Variants in CACNA1E observed in about 807,000 individuals in gnomAD.
The protein encoded by CACNA1E is calcium voltage-gated channel subunit alpha1 E.
Under a neutral mutation model 259.2 loss-of-function variants are expected in CACNA1E, and 40 were observed. That is an observed-to-expected ratio of 0.15 (90% confidence interval 0.12 to 0.20). CACNA1E has a LOEUF of 0.20. Ranked by LOEUF, CACNA1E falls within the 10% of genes least tolerant of loss-of-function variation. The probability of loss-of-function intolerance (pLI) is 1.00; values close to 1 mark genes in which losing one functional copy is unlikely to be tolerated. For synonymous variants in CACNA1E, 1,104 were observed against 1,138.5 expected (o/e 0.97, Z 0.61); for missense variants, 1,874 against 3,040.1 (o/e 0.62, Z 9.02).
At chr1:181,511,021 T>C (rs964097476) in intron 2 of CACNA1E, among the ~76,000 whole-genome samples, 1 of 152,238 alleles carries the variant, frequency 6.6e-6, no homozygotes, top group Non-Finnish European at 1.5e-5. Flanking sequence ...CTGCCTAAAA[T>C]TCACGTGTGT....
chr1:181,735,154 T>C (rs1655920804), intron 21 of CACNA1E, among the ~76,000 whole-genome samples: 1 of 152,240 alleles, frequency 6.6e-6, no homozygotes, highest in Non-Finnish European at 1.5e-5. Context: ...CAATCTCCCA[T>C]GTCCAGTGCA....
Position 181,529,144 on chromosome 1 carries a change from C to T in CACNA1E, c.512+17634C>T, listed in dbSNP as rs1408768870. The stretch of plus-strand genomic sequence containing the variant: ...GTTTAGGGACTTGGTGCCCTGTGTC[C>T]CAGCTGTTCCAGCTGTGGCTGAAAG... On this transcript the variant is annotated intron_variant, in intron 3 of 47. Coordinates refer to ENST00000367573, the MANE Select transcript of CACNA1E (RefSeq NM_001205293.3). Among the ~76,000 whole-genome samples, 3 of 152,186 alleles carry T rather than the reference C, an allele frequency of 2.0e-5. No individual in the cohort carries two copies. In the East Asian group the frequency reaches 5.8e-4, roughly 29 times the overall value.
intron 26 of CACNA1E, chr1:181,751,899 G>A (rs1657631458): frequency 3.1e-6 from 2 of 643,170 alleles, no homozygotes; most frequent in Non-Finnish European, 5.8e-6. Flanking sequence ...GTGTATATAT[G>A]AGTGTGTACG....
At position 181,406,707 on chromosome 1, in the gene CACNA1E, A is replaced by G. The variant is rs181476091; in HGVS notation, c.-14-6426A>G. On this transcript the variant is annotated intron_variant, in intron 1 of 11. Coordinates refer to the CACNA1E transcript ENST00000524607. ...ATCTACTTAATCTGTAAAATGATGT[A>G]TGATCATTTTACAGATTAAGATATG... is the stretch of plus-strand genomic sequence containing the variant. Among the ~76,000 whole-genome samples, 1,072 of 152,222 alleles carry G rather than the reference A, an allele frequency of 7.0e-3. 14 individuals are homozygous for G. Among genetic ancestry groups the G allele is most frequent in the African/African-American group, 0.024 (1,016 of 41,526 alleles).
At chr1:181,555,326 A>G (rs1316395998) in intron 3 of CACNA1E, among the ~76,000 whole-genome samples, 2 of 152,218 alleles carry the variant, frequency 1.3e-5, no homozygotes, top group Non-Finnish European at 1.5e-5. Context: ...CCAGGAGGAA[A>G]AGGTATGCTT....
chr1:181,568,663 G>A (rs556066012), intron 3 of CACNA1E, among the ~76,000 whole-genome samples: 38 of 152,096 alleles, frequency 2.5e-4, no homozygotes, highest in Non-Finnish European at 5.4e-4. Flanking sequence ...TGGCATGATC[G>A]TGATTCACTG....
Position 181,795,022 on chromosome 1 carries a change from C to T in CACNA1E, c.6186C>T (p.Ala2062=). 1.9e-6 allele frequency: 3 copies of T among 1,613,888 alleles called. No individual in the cohort carries two copies. The highest frequency in any genetic ancestry group is 2.5e-6 in the Non-Finnish European group (3 of 1,179,826). ...RSYHSSLRLS[A]HRLNSDSGHK... is the part of the protein sequence containing the mutation. The stretch of plus-strand genomic sequence containing the variant: ...ACCACTCCTCCTTGCGGCTGTCAGC[C>T]CACCGCCTGAACTCTGATTCAGGTG... The change falls in exon 46 of 48, where the codon GCC becomes GCT. Residue 2062 remains alanine (A), a synonymous_variant. Transcript: ENST00000367573.
intron 41 of CACNA1E, 105 bp downstream of exon 41, chr1:181,784,873 C>T (rs1660727386): frequency 4.4e-6 from 3 of 686,628 alleles, no homozygotes; most frequent in South Asian, 3.6e-5. Flanking sequence ...AAAGTTTGCC[C>T]TTTTCAATTA....
chr1:181,675,313 G>C (rs1223534221), intron 7 of CACNA1E, among the ~76,000 whole-genome samples: 1 of 152,194 alleles, frequency 6.6e-6, no homozygotes, highest in African/African-American at 2.4e-5. Flanking sequence ...GGGTGACTGG[G>C]AGTCTAAGAA....
intron 1 of CACNA1E, among the ~76,000 whole-genome samples, chr1:181,380,898 T>C (rs879424117): frequency 2.0e-5 from 3 of 152,360 alleles, no homozygotes; most frequent in Admixed American, 2.0e-4. Context: ...CTGGGCACGG[T>C]GGCCCATGCC....
intron 16 of CACNA1E, among the ~76,000 whole-genome samples, chr1:181,722,994 A>T (rs1333674228): frequency 6.6e-6 from 1 of 152,218 alleles, no homozygotes; most frequent in Non-Finnish European, 1.5e-5. Context: ...ATGCTAGAAC[A>T]GTTCTATGTT....
intron 3 of CACNA1E, among the ~76,000 whole-genome samples, chr1:181,528,225 CT>C (rs1667511216): frequency 6.6e-6 from 1 of 152,136 alleles, no homozygotes; most frequent in Non-Finnish European, 1.5e-5. Context: ...CTCATGAGAT[CT>C]GCTGGGTTTA....
At position 181,720,350 on chromosome 1, in the gene CACNA1E, A is replaced by G. The variant is rs1307617417; in HGVS notation, c.1883+13A>G. The G allele has an allele frequency of 6.2e-7, 1 of 1,610,182 alleles. No individual in the cohort carries two copies. Among genetic ancestry groups the G allele is most frequent in the East Asian group, 2.2e-5 (1 of 44,838 alleles). On this transcript the variant is annotated intron_variant, in intron 14 of 47. Coordinates refer to ENST00000367573, the MANE Select transcript of CACNA1E (RefSeq NM_001205293.3). ...TATTTGGAGGCAGGTAAGTGCCCAGAAGCTTTCCATCCAAAGGAGGCTCAA... is the reference window on the plus strand; with the variant it reads ...TATTTGGAGGCAGGTAAGTGCCCAGGAGCTTTCCATCCAAAGGAGGCTCAA...
At chr1:181,430,449 T>C (rs1056997732) in intron 2 of CACNA1E, among the ~76,000 whole-genome samples, 8 of 152,208 alleles carry the variant, frequency 5.3e-5, no homozygotes, top group Admixed American at 3.3e-4. Context: ...GGCATGTCCT[T>C]AGGCAAGCAC....
At chr1:181,551,292 C>T (rs1016936662) in intron 3 of CACNA1E, among the ~76,000 whole-genome samples, 38 of 152,160 alleles carry the variant, frequency 2.5e-4, no homozygotes, top group African/African-American at 8.4e-4. Context: ...AACTGGGCCT[C>T]CCCCTGCTTG....
chr1:181,643,556 ATCTGGGGTGGG>A (rs1657993008), intron 6 of CACNA1E, among the ~76,000 whole-genome samples: 13 of 152,192 alleles, frequency 8.5e-5, no homozygotes, highest in Admixed American at 7.2e-4. Flanking sequence ...GACTGCCCAC[ATCTGGGGTGGG>A]CCATGCCAGC....
At chr1:181,750,515 A>G (rs1369798737) in intron 26 of CACNA1E, 28 bp downstream of exon 26, 1 of 1,608,256 alleles carries the variant, frequency 6.2e-7, no homozygotes, top group East Asian at 2.2e-5. Flanking sequence ...TCTTTGAAGT[A>G]AACGATACAA....
chr1:181,596,196 T>C (rs1485562270), intron 6 of CACNA1E, among the ~76,000 whole-genome samples: 2 of 152,176 alleles, frequency 1.3e-5, no homozygotes, highest in African/African-American at 4.8e-5. Context: ...GTGCTGTGGC[T>C]CACAGACAGA....
intron 3 of CACNA1E, among the ~76,000 whole-genome samples, chr1:181,566,478 C>T (rs1285232739): frequency 1.3e-5 from 2 of 152,222 alleles, no homozygotes; most frequent in Non-Finnish European, 2.9e-5. Context: ...TAATCAGGGA[C>T]TTTCTCAGAA....
Sources: gnomAD v4.1 joint callset for allele counts (sites outside exome capture counted in the v4.1 genomes callset) on GRCh38, gnomAD v4.1.1 for gene constraint, MANE v1.5 for transcripts, NCBI Gene and HGNC (gene_info 2026-07-23, HGNC 2026-07-21) for gene names.